EFR3A: variants seen among roughly 807,000 people sequenced by gnomAD.
EFR3A encodes EFR3 homolog A, also known as protein EFR3 homolog A.
In EFR3A, 76 loss-of-function variants were observed where a neutral mutation model predicts 104.4. The ratio of observed to expected loss-of-function variants is 0.73; its 90% CI spans 0.60 to 0.88. The LOEUF is 0.88. EFR3A is among the 40% of genes least tolerant of loss of function. The pLI is 0.00. For missense variants in EFR3A, 985 were observed against 1,012.5 expected (o/e 0.97, Z 0.37); for synonymous variants, 330 against 330.0 (o/e 1.00, Z 0.00).
intron 22 of EFR3A, among the ~76,000 whole-genome samples, chr8:132,004,357 G>A (rs888601798): frequency 6.6e-6 from 1 of 152,176 alleles, no homozygotes; most frequent in African/African-American, 2.4e-5. Context: ...TCTGAGCTCC[G>A]CTTCCTGTCA....
intron 1 of EFR3A, among the ~76,000 whole-genome samples, chr8:131,927,190 C>T (rs75694124): frequency 0.13 from 20,359 of 152,112 alleles, 1,438 homozygotes; most frequent in South Asian, 0.23. Flanking sequence ...AGCTTTAGGT[C>T]GTGGTTAAGG....
At chr8:131,910,824 G>T (rs1816479607) in intron 1 of EFR3A, among the ~76,000 whole-genome samples, 1 of 152,170 alleles carries the variant, frequency 6.6e-6, no homozygotes, top group African/African-American at 2.4e-5. Flanking sequence ...GGATTGCAGT[G>T]AATGAATCTT....
At chr8:131,940,306 G>T in intron 1 of EFR3A, 193 bp from the exon 2 acceptor site, 1 of 585,456 alleles carries the variant, frequency 1.7e-6, no homozygotes, top group Non-Finnish European at 2.9e-6. Flanking sequence ...CTTAGAAGCT[G>T]TGTGTCTTTG....
intron 1 of EFR3A, among the ~76,000 whole-genome samples, chr8:131,939,476 G>A (rs1818062900): frequency 6.6e-6 from 1 of 152,178 alleles, no homozygotes; most frequent in African/African-American, 2.4e-5. Flanking sequence ...ACTAAAAGCA[G>A]TGTATAGTGT....
At chr8:131,929,972 G>T (rs745764145) in intron 1 of EFR3A, among the ~76,000 whole-genome samples, 2 of 151,958 alleles carry the variant, frequency 1.3e-5, no homozygotes, top group African/African-American at 2.4e-5. Context: ...TGTATCTGAG[G>T]GACACCCCAA....
rs543350750 is a variant in EFR3A at position 131,995,448 on chromosome 8, C to A, written c.2066-958C>A. Among the ~76,000 whole-genome samples the A allele has an allele frequency of 2.6e-5, 4 of 152,208 alleles. No homozygotes were observed. The South Asian group carries it at 6.2e-4, about 24-fold the overall frequency. ...GTGTAATGTCTATTCAGCAGACTGT[C>A]CCTAACACCTAACAGGGTCTCTAAT... On this transcript the variant is annotated intron_variant, in intron 18 of 22. Transcript: ENST00000254624.
chr8:131,913,773 T>C (rs1428284909), intron 1 of EFR3A, among the ~76,000 whole-genome samples: 2 of 152,188 alleles, frequency 1.3e-5, no homozygotes, highest in Non-Finnish European at 2.9e-5. Context: ...TACAGTTAAC[T>C]GTAAACGAAT....
chr8:131,938,433 T>A, intron 1 of EFR3A: 1 of 386,338 alleles, frequency 2.6e-6, no homozygotes, highest in Non-Finnish European at 4.6e-6. Context: ...ATTTCAACCT[T>A]ACATTGTCTT....
chr8:131,966,981 G>A (rs1385305113), intron 8 of EFR3A, among the ~76,000 whole-genome samples: 7 of 151,940 alleles, frequency 4.6e-5, no homozygotes, highest in Admixed American at 2.0e-4. Flanking sequence ...TAGTATAGTC[G>A]TACTTTATAA....
chr8:131,935,297 A>G (rs1222062500), intron 1 of EFR3A, among the ~76,000 whole-genome samples: 1 of 152,160 alleles, frequency 6.6e-6, no homozygotes, highest in Admixed American at 6.6e-5. Flanking sequence ...TTTAGGAAAA[A>G]GCATTTTTAT....
At chr8:131,981,038 TATATATAC>T (rs764261561) in intron 14 of EFR3A, among the ~76,000 whole-genome samples, 3,866 of 73,584 alleles carry the variant, frequency 0.053, 77 homozygotes, top group African/African-American at 0.095. Context: ...TATATATATA[TATATATAC>T]ACACACTACA....
At chr8:131,946,377 TC>T in intron 3 of EFR3A, 105 bp from the exon 4 acceptor site, 2 of 1,112,478 alleles carry the variant, frequency 1.8e-6, no homozygotes, top group Non-Finnish European at 2.4e-6. Flanking sequence ...TGCATTTCTT[TC>T]TTTGGTGTAT....
At chr8:131,929,835 A>G (rs1372192365) in intron 1 of EFR3A, among the ~76,000 whole-genome samples, 1 of 152,142 alleles carries the variant, frequency 6.6e-6, no homozygotes, top group Non-Finnish European at 1.5e-5. Flanking sequence ...GAAATATAAG[A>G]GTCAGTTTGA....
At chr8:131,994,815 G>T (rs563645621) in intron 18 of EFR3A, among the ~76,000 whole-genome samples, 1 of 152,252 alleles carries the variant, frequency 6.6e-6, no homozygotes, top group South Asian at 2.1e-4. Context: ...AAAAGGAGGT[G>T]CCGGAATCCT....
intron 19 of EFR3A, among the ~76,000 whole-genome samples, chr8:131,997,445 T>C (rs978195943): frequency 4.6e-5 from 7 of 152,118 alleles, no homozygotes; most frequent in Non-Finnish European, 1.0e-4. Flanking sequence ...AACTGACTTA[T>C]GTTTTCTATG....
At chr8:131,924,755 T>C (rs968764452) in intron 1 of EFR3A, among the ~76,000 whole-genome samples, 1 of 152,108 alleles carries the variant, frequency 6.6e-6, no homozygotes, top group Admixed American at 6.5e-5. Flanking sequence ...TCTTCTGGTC[T>C]GTAAGAAATA....
At chr8:132,006,709 T>C (rs962772032) in intron 22 of EFR3A, among the ~76,000 whole-genome samples, 3 of 152,018 alleles carry the variant, frequency 2.0e-5, no homozygotes, top group African/African-American at 7.2e-5. Context: ...GACAAGGATA[T>C]TTTAAGAAAA....
At chr8:131,948,918 C>T (rs1818566939) in intron 4 of EFR3A, among the ~76,000 whole-genome samples, 1 of 151,994 alleles carries the variant, frequency 6.6e-6, no homozygotes, top group Non-Finnish European at 1.5e-5. Context: ...TGACATTTTC[C>T]TCTTCATGCT....
chr8:131,977,642 A>T (rs1047007750), intron 12 of EFR3A, among the ~76,000 whole-genome samples: 2 of 152,196 alleles, frequency 1.3e-5, no homozygotes, highest in African/African-American at 4.8e-5. Flanking sequence ...CATTGCTAGC[A>T]CATATGCGTC....
Sources: gnomAD v4.1 joint callset for allele counts (sites outside exome capture counted in the v4.1 genomes callset) on GRCh38, gnomAD v4.1.1 for gene constraint, MANE v1.5 for transcripts, NCBI Gene and HGNC (gene_info 2026-07-23, HGNC 2026-07-21) for gene names.